The following TUBB8B variants were observed in gnomAD, a reference collection of about 807,000 sequenced individuals.
TUBB8B encodes tubulin beta 8B, also known as HSA18p11 beta-tubulin 4Q pseudogene.
Under a neutral mutation model 31.9 loss-of-function variants are expected in TUBB8B, and 26 were observed. The ratio of observed to expected loss-of-function variants is 0.81; its 90% confidence interval spans 0.60 to 1.13. The LOEUF is 1.13. Ranked by LOEUF, TUBB8B falls within the 50% of genes most tolerant of loss-of-function variation. The pLI, the probability that TUBB8B is intolerant of heterozygous loss-of-function variation, is 0.00. For missense variants in TUBB8B, 467 were observed against 586.7 expected, an observed-to-expected ratio of 0.80 and a Z score of 2.11; for synonymous variants, 173 against 231.0, an observed-to-expected ratio of 0.75 and a Z score of 2.28.
At chr18:68,859 A>G in the TUBB8B span, among the ~76,000 whole-genome samples, 1 of 152,114 alleles carries the variant, frequency 6.6e-6, no homozygotes, top group Non-Finnish European at 1.5e-5. Context: ...CTCTTACGGG[A>G]CACAGCAGCC....
At chr18:63,451 T>C in the TUBB8B span, among the ~76,000 whole-genome samples, 3 of 151,512 alleles carry the variant, frequency 2.0e-5, no homozygotes, top group African/African-American at 4.8e-5. Flanking sequence ...GCAGTCTCTC[T>C]TTCTGTGCTA....
the TUBB8B span, among the ~76,000 whole-genome samples, chr18:62,520 G>A: frequency 3.3e-5 from 5 of 150,596 alleles, 1 homozygote; most frequent in South Asian, 2.1e-4. Flanking sequence ...TTGGGTTCAC[G>A]CCATTCTCCT....
the TUBB8B span, among the ~76,000 whole-genome samples, chr18:65,536 T>A: frequency 1.3e-5 from 2 of 152,150 alleles, no homozygotes; most frequent in Admixed American, 1.3e-4. Flanking sequence ...CATTTCATCA[T>A]AAAAACACCC....
chr18:49,853 T>C (rs1342936640), upstream of TUBB8B: 1 of 552,476 alleles, frequency 1.8e-6, no homozygotes, highest in Non-Finnish European at 3.4e-6. Flanking sequence ...ACTAGATCCC[T>C]AGCTGAGCTG....
Position 47,860 on chromosome 18 carries a change from G to C in TUBB8B, c.865C>G (p.Leu289Val), listed in dbSNP as rs1489947676. Residue 289 changes from leucine to valine, a missense_variant, in exon 4 of 4, where the codon CTC becomes GTC. Physicochemically the swap from Leu to Val is conservative, Grantham distance 32. Around this residue, in one of 2 missense-constraint regions of TUBB8B, gnomAD observed 259 missense variants for 380.1 expected, o/e 0.68. Transcript: ENST00000308911. ...TTAGCATCAAACATCTGCTGGGTGA[G>C]CTCAGCCACAGTCAAGGCCCGGTAC... ...QQYRALTVAE[L>V]TQQMFDAKNM... The C allele has an allele frequency of 1.2e-6, 2 of 1,610,962 alleles. No individual in the cohort carries two copies. Among genetic ancestry groups the C allele is most frequent in the East Asian group, 4.5e-5 (2 of 44,668 alleles).
chr18:55,353 C>G, the TUBB8B span, among the ~76,000 whole-genome samples: 7 of 151,848 alleles, frequency 4.6e-5, no homozygotes, highest in Non-Finnish European at 1.0e-4. Flanking sequence ...CCCGCCACAG[C>G]CTCCCAGAGT....
At chr18:52,642 GGTCTT>G (rs903340470), upstream of TUBB8B, among the ~76,000 whole-genome samples, 16 of 151,828 alleles carry the variant, frequency 1.1e-4, no homozygotes, top group Non-Finnish European at 2.2e-4. Flanking sequence ...TTGGAGTGGG[GGTCTT>G]GTCTTGGTGT....
chr18:73,013 T>C, the TUBB8B span, among the ~76,000 whole-genome samples: 59 of 152,090 alleles, frequency 3.9e-4, no homozygotes, highest in African/African-American at 1.3e-3. Flanking sequence ...CGGGGGTGCC[T>C]GTTTCCTCGA....
chr18:70,707 T>C, the TUBB8B span, among the ~76,000 whole-genome samples: 1 of 151,900 alleles, frequency 6.6e-6, no homozygotes, highest in Non-Finnish European at 1.5e-5. Context: ...CCCCAGCACT[T>C]TGGGGAGGCT....
At chr18:71,057 G>A in the TUBB8B span, among the ~76,000 whole-genome samples, 1 of 151,652 alleles carries the variant, frequency 6.6e-6, no homozygotes, top group Non-Finnish European at 1.5e-5. Flanking sequence ...AGACAAACCT[G>A]AGCGACGTAA....
the TUBB8B span, among the ~76,000 whole-genome samples, chr18:58,176 A>G: frequency 6.6e-5 from 10 of 150,446 alleles, no homozygotes; most frequent in Non-Finnish European, 1.5e-4. Context: ...TTTAAGTTAT[A>G]CAAATATCTC....
At chr18:52,769 A>G (rs1906162054), upstream of TUBB8B, among the ~76,000 whole-genome samples, 1 of 151,952 alleles carries the variant, frequency 6.6e-6, no homozygotes. Flanking sequence ...GTCAGAGAGC[A>G]AAGTGAACGA....
rs539398416 is a variant in TUBB8B at position 48,412 on chromosome 18, G to T, written c.313C>A (p.Arg105Ser). ...CGAGNNWAKG[R>S]YTEGAELTES... ...GTCAGCTCCGCGCCTTCTGTGTAGCGTCCCTTGGCCCAGTTGTTTCCGGCC... is the reference window on the plus strand; with the variant it reads ...GTCAGCTCCGCGCCTTCTGTGTAGCTTCCCTTGGCCCAGTTGTTTCCGGCC... Residue 105 changes from arginine to serine, a missense_variant, in exon 4 of 4, where the codon CGC becomes AGC. Physicochemically the swap from Arg to Ser is moderately radical, Grantham distance 110 (BLOSUM62 -1). Around this residue, in one of 2 missense-constraint regions of TUBB8B, gnomAD observed 259 missense variants for 380.1 expected, o/e 0.68. Coordinates refer to ENST00000308911, the MANE Select transcript of TUBB8B (RefSeq NM_001358689.2). The T allele has an allele frequency of 7.4e-6, 12 of 1,612,302 alleles. No homozygotes were observed. The East Asian group carries it at 2.7e-4, about 36-fold the overall frequency.
chr18:49,296 G>A (rs1332224643), intron 1 of TUBB8B, 59 bp from the exon 2 acceptor site: 32 of 1,460,084 alleles, frequency 2.2e-5, no homozygotes, highest in Non-Finnish European at 2.6e-5. Context: ...CGCCCCAGCC[G>A]CTCTCCCACC....
At chr18:53,762 C>T (rs1906197841), upstream of TUBB8B, among the ~76,000 whole-genome samples, 1 of 151,940 alleles carries the variant, frequency 6.6e-6, no homozygotes, top group Non-Finnish European at 1.5e-5. Context: ...AGCTACTGCT[C>T]CCAGCCACAA....
the TUBB8B span, among the ~76,000 whole-genome samples, chr18:67,001 T>TTTG: frequency 8.3e-4 from 126 of 151,678 alleles, 1 homozygote; most frequent in African/African-American, 3.0e-3. Context: ...TTTTTGTTTT[T>TTTG]TTTTTTTTTC....
At chr18:71,402 C>G in the TUBB8B span, among the ~76,000 whole-genome samples, 4 of 150,878 alleles carry the variant, frequency 2.7e-5, no homozygotes, top group South Asian at 8.4e-4. Flanking sequence ...ACAAAATTAG[C>G]CAGGCATTCT....
rs1348934312 is a variant in TUBB8B at position 47,621 on chromosome 18, A to G, written c.1104T>C (p.Ile368=). The G allele has an allele frequency of 2.5e-6, 4 of 1,612,578 alleles. No individual in the cohort carries two copies. The highest frequency in any genetic ancestry group is 2.2e-5 in the East Asian group (1 of 44,838). ...PRGLKMSATF[I]GNNAAIQELF... is the part of the protein sequence containing the mutation. ...GTTCCTGGATGGCCGCATTATTCCC[A>G]ATGAAGGTGGCTGACATTTTTAGCC... is the stretch of plus-strand genomic sequence containing the variant. The change falls in exon 4 of 4, where the codon ATT becomes ATC. Residue 368 remains isoleucine, a synonymous_variant. Transcript: ENST00000308911.
At chr18:72,169 C>G in the TUBB8B span, among the ~76,000 whole-genome samples, 1 of 42,820 alleles carries the variant, frequency 2.3e-5, no homozygotes, top group Non-Finnish European at 4.5e-5. Context: ...CAGAGCGAGA[C>G]TCCATCTCAA....
Sources: gnomAD v4.1 joint callset for allele counts (sites outside exome capture counted in the v4.1 genomes callset) on GRCh38, gnomAD v4.1.1 for gene constraint, gnomAD v4.1.1 regional missense constraint, MANE v1.5 for transcripts, NCBI Gene and HGNC (gene_info 2026-07-23, HGNC 2026-07-21) for gene names.